NRXN1: variants seen among roughly 807,000 people sequenced by gnomAD.
NRXN1 encodes the protein neurexin-1.
A neutral mutation model predicts 150.9 loss-of-function variants in NRXN1; 39 were observed. The ratio of observed to expected loss-of-function variants is 0.26; its 90% confidence interval spans 0.20 to 0.34. NRXN1 has a LOEUF of 0.34. Ranked by LOEUF, NRXN1 falls within the 10% of genes least tolerant of loss-of-function variation. The pLI, the probability that NRXN1 is intolerant of heterozygous loss-of-function variation, is 1.00. For synonymous variants in NRXN1, 924 were observed against 757.0 expected (o/e 1.22, Z -3.62); for missense variants, 1,815 against 1,949.9 (o/e 0.93, Z 1.30).
chr2:49,970,660 T>C (rs1224545963), intron 21 of NRXN1: 2 of 152,112 alleles, frequency 1.3e-5, no homozygotes, highest in Non-Finnish European at 2.9e-5. Context: ...GTAAAATCAG[T>C]CTTTCTGGTC....
intron 5 of NRXN1, among the ~76,000 whole-genome samples, chr2:50,921,307 C>G (rs565975628): frequency 6.6e-6 from 1 of 151,866 alleles, no homozygotes; most frequent in African/African-American, 2.4e-5. Flanking sequence ...GTTGATAATG[C>G]CCTTAAAACA....
At chr2:50,113,921 G>C (rs1702696983) in intron 18 of NRXN1, among the ~76,000 whole-genome samples, 1 of 152,068 alleles carries the variant, frequency 6.6e-6, no homozygotes, top group Non-Finnish European at 1.5e-5. Flanking sequence ...GTACACAGGA[G>C]ACTATGTGGG....
chr2:50,991,610 G>T (rs970184936), intron 2 of NRXN1, among the ~76,000 whole-genome samples: 2 of 151,888 alleles, frequency 1.3e-5, no homozygotes, highest in Non-Finnish European at 2.9e-5. Context: ...TATCCTCATT[G>T]TAAGCACACT....
chr2:50,722,391 C>G (rs1696787096), intron 5 of NRXN1, among the ~76,000 whole-genome samples: 1 of 152,046 alleles, frequency 6.6e-6, no homozygotes, highest in Non-Finnish European at 1.5e-5. Context: ...CAATCTAAAT[C>G]AGCAATAAAA....
chr2:50,282,356 A>C lies in NRXN1; in HGVS notation c.3365-45386T>G, dbSNP rs111454026. Among the ~76,000 whole-genome samples, 1,114 of 152,280 alleles carry C rather than the reference A, an allele frequency of 7.3e-3. 20 individuals carry two copies. Among genetic ancestry groups the C allele is most frequent in the African/African-American group, 0.025 (1,042 of 41,552 alleles). ...TTTTAAGACATTAATCACAGCCTCA[A>C]ACTAAGATATTACAGTTGACCCTTG... On this transcript the variant is annotated intron_variant, in intron 17 of 22. Coordinates refer to ENST00000401669, the MANE Select transcript of NRXN1 (RefSeq NM_001330078.2).
At position 50,226,275 on chromosome 2, in the gene NRXN1, A is replaced by C. The variant is rs563072450; in HGVS notation, c.3546+10514T>G. Among the ~76,000 whole-genome samples, 6 of 152,138 alleles carry C rather than the reference A, an allele frequency of 3.9e-5. No individual in the cohort carries two copies. The East Asian group carries it at 1.2e-3, about 30-fold the overall frequency. ...TGTTGATTGCTTTTATAAAAGCCACACTTGTAGACTGCTTCATAGTTTAAA... is the reference window on the plus strand; with the variant it reads ...TGTTGATTGCTTTTATAAAAGCCACCCTTGTAGACTGCTTCATAGTTTAAA... On this transcript the variant is annotated intron_variant, in intron 18 of 22. Transcript: ENST00000401669.
chr2:49,996,061 T>C (rs1682941322), intron 21 of NRXN1, among the ~76,000 whole-genome samples: 1 of 152,066 alleles, frequency 6.6e-6, no homozygotes, highest in East Asian at 1.9e-4. Flanking sequence ...TGATGTACAA[T>C]GATAAATGAG....
At chr2:50,004,381 G>C (rs904349210) in intron 21 of NRXN1, among the ~76,000 whole-genome samples, 2 of 152,036 alleles carry the variant, frequency 1.3e-5, no homozygotes, top group Admixed American at 1.3e-4. Context: ...TATATAGAGA[G>C]AGTGGAAGAA....
intron 19 of NRXN1, among the ~76,000 whole-genome samples, chr2:50,073,713 A>G (rs1573752219): frequency 6.6e-6 from 1 of 152,212 alleles, no homozygotes; most frequent in South Asian, 2.1e-4. Flanking sequence ...GAGATAGTCA[A>G]CAATTCTAGT....
intron 2 of NRXN1, among the ~76,000 whole-genome samples, chr2:50,961,168 C>A (rs996111792): frequency 4.0e-5 from 6 of 151,788 alleles, no homozygotes; most frequent in Admixed American, 3.3e-4. Flanking sequence ...TTGTTTCTCT[C>A]GATAATCCTG....
intron 21 of NRXN1, among the ~76,000 whole-genome samples, chr2:49,979,064 C>T (rs1390038240): frequency 6.6e-6 from 1 of 151,962 alleles, no homozygotes; most frequent in Non-Finnish European, 1.5e-5. Context: ...TTTGGGAGGC[C>T]GAAGCAGGTG....
At chr2:50,084,703 G>A (rs958436240) in intron 19 of NRXN1, among the ~76,000 whole-genome samples, 14 of 152,174 alleles carry the variant, frequency 9.2e-5, no homozygotes, top group African/African-American at 2.9e-4. Flanking sequence ...CTGAATGGGC[G>A]CCGAGGCCGA....
At chr2:50,923,232 A>G (rs1201761728) in intron 3 of NRXN1, among the ~76,000 whole-genome samples, 1 of 151,886 alleles carries the variant, frequency 6.6e-6, no homozygotes, top group Non-Finnish European at 1.5e-5. Flanking sequence ...GTAGCGGCTG[A>G]CTAGGCTTGT....
At position 50,450,377 on chromosome 2, in the gene NRXN1, G is replaced by A. The variant is rs112916981; in HGVS notation, c.3364+15065C>T. ...TTACTTCATTCCATAAATATATACT[G>A]AGTATATATTAAACACCAGGCATGG... On this transcript the variant is annotated intron_variant, in intron 17 of 22. Transcript: ENST00000401669. Among the ~76,000 whole-genome samples the A allele has an allele frequency of 1.2e-3, 184 of 151,460 alleles. 1 individual carries two copies. The highest frequency in any genetic ancestry group is 4.0e-3 in the African/African-American group (163 of 41,264).
Position 50,465,565 on chromosome 2 carries a change from C to T in NRXN1, c.3245-4G>A. The T allele has an allele frequency of 2.5e-6, 4 of 1,599,514 alleles. No individual in the cohort carries two copies. The highest frequency in any genetic ancestry group is 3.4e-6 in the Non-Finnish European group (4 of 1,172,160). ...TCTTGGCAGGTTGTGCTGGGCCCTG[C>T]AAAACAATCCAAAGGAAACTTGGGT... On this transcript the variant is annotated splice_polypyrimidine_tract_variant and splice_region_variant and intron_variant, in intron 16 of 22. Coordinates refer to ENST00000401669, the MANE Select transcript of NRXN1 (RefSeq NM_001330078.2).
chr2:50,468,848 T>C (rs747235438), intron 16 of NRXN1, among the ~76,000 whole-genome samples: 4 of 151,502 alleles, frequency 2.6e-5, no homozygotes, highest in Non-Finnish European at 4.4e-5. Flanking sequence ...TAGGTAAACA[T>C]ATTCCCACCA....
At chr2:50,921,079 A>ATT (rs1387169238) in intron 5 of NRXN1, among the ~76,000 whole-genome samples, 1 of 151,836 alleles carries the variant, frequency 6.6e-6, no homozygotes, top group African/African-American at 2.4e-5. Context: ...CAGAAACTAA[A>ATT]TAGAAACATT....
intron 18 of NRXN1, among the ~76,000 whole-genome samples, chr2:50,158,930 G>A (rs934767393): frequency 5.3e-5 from 8 of 151,970 alleles, no homozygotes; most frequent in African/African-American, 1.2e-4. Flanking sequence ...CAAAAAACGC[G>A]TAAGATAGGG....
intron 21 of NRXN1, among the ~76,000 whole-genome samples, chr2:49,977,978 A>G (rs1377301326): frequency 6.6e-6 from 1 of 152,134 alleles, no homozygotes; most frequent in Non-Finnish European, 1.5e-5. Flanking sequence ...CCTGGCCAAC[A>G]TGGTGAAACC....
Sources: allele counts gnomAD v4.1 joint callset (sites outside exome capture counted in the v4.1 genomes callset), GRCh38; gene constraint gnomAD v4.1.1; transcripts MANE v1.5; gene names NCBI Gene and HGNC (gene_info 2026-07-23, HGNC 2026-07-21).